FSTL5: variants seen among roughly 807,000 people sequenced by gnomAD.
FSTL5 encodes the protein follistatin like 5.
In FSTL5, 62 loss-of-function variants were observed where a neutral mutation model predicts 89.1. The observed-to-expected ratio is 0.70, with a 90% confidence interval of 0.57 to 0.86. The LOEUF is 0.86. Among genes scored for constraint, FSTL5 ranks in the 40% least tolerant of loss-of-function variants. The pLI is 0.00. For synonymous variants in FSTL5, 383 were observed against 346.2 expected (o/e 1.11, Z -1.18); for missense variants, 1,057 against 1,001.6 (o/e 1.06, Z -0.75).
At chr4:161,506,129 G>A (rs1730470760) in intron 11 of FSTL5, among the ~76,000 whole-genome samples, 1 of 151,430 alleles carries the variant, frequency 6.6e-6, no homozygotes, top group South Asian at 2.1e-4. Context: ...TGGCATAGAG[G>A]GCAGTGGAGC....
intron 15 of FSTL5, among the ~76,000 whole-genome samples, chr4:161,406,263 T>G (rs1361901215): frequency 6.7e-6 from 1 of 149,920 alleles, no homozygotes; most frequent in South Asian, 2.1e-4. Context: ...TCCTTTTGAT[T>G]TTTTCTTTGA....
At chr4:161,402,704 T>C (rs1731223341) in intron 15 of FSTL5, among the ~76,000 whole-genome samples, 1 of 152,212 alleles carries the variant, frequency 6.6e-6, no homozygotes, top group African/African-American at 2.4e-5. Context: ...TTTGAAGATG[T>C]AGATTAAAAT....
At chr4:161,582,761 CTAGTT>C (rs1406979580) in intron 8 of FSTL5, among the ~76,000 whole-genome samples, 2 of 152,162 alleles carry the variant, frequency 1.3e-5, no homozygotes, top group East Asian at 3.9e-4. Flanking sequence ...CCCCTTTCTT[CTAGTT>C]AACATAATCT....
chr4:161,769,488 A>T (rs1340911429), intron 5 of FSTL5, among the ~76,000 whole-genome samples: 4 of 152,068 alleles, frequency 2.6e-5, no homozygotes, highest in Non-Finnish European at 4.4e-5. Context: ...ATCATTCATC[A>T]TGATCAAGTG....
At chr4:161,906,963 T>C (rs1733554507) in intron 4 of FSTL5, among the ~76,000 whole-genome samples, 1 of 152,146 alleles carries the variant, frequency 6.6e-6, no homozygotes, top group African/African-American at 2.4e-5. Context: ...ATACTTACTA[T>C]GGAATTAATG....
intron 6 of FSTL5, among the ~76,000 whole-genome samples, chr4:161,674,185 G>A (rs940943413): frequency 3.3e-5 from 5 of 151,920 alleles, no homozygotes; most frequent in African/African-American, 1.2e-4. Context: ...CAGATATACA[G>A]ATATATAAAC....
intron 1 of FSTL5, among the ~76,000 whole-genome samples, chr4:162,155,103 T>G (rs1733416308): frequency 6.6e-6 from 1 of 152,178 alleles, no homozygotes; most frequent in South Asian, 2.1e-4. Flanking sequence ...ACCTATAACT[T>G]GCTTTTGACC....
chr4:161,488,395 T>G (rs1729750899), intron 12 of FSTL5, among the ~76,000 whole-genome samples: 1 of 152,050 alleles, frequency 6.6e-6, no homozygotes, highest in Non-Finnish European at 1.5e-5. Flanking sequence ...TTACAGAAAT[T>G]TTTATGCTTT....
chr4:161,801,477 T>G (rs1350648653), intron 4 of FSTL5, among the ~76,000 whole-genome samples: 1 of 151,462 alleles, frequency 6.6e-6, no homozygotes, highest in East Asian at 1.9e-4. Context: ...AAGAATCATC[T>G]TGGCAATTTC....
intron 3 of FSTL5, among the ~76,000 whole-genome samples, chr4:161,966,382 T>C (rs2110997097): frequency 6.6e-6 from 1 of 152,190 alleles, no homozygotes; most frequent in Admixed American, 6.6e-5. Flanking sequence ...TGTGAGACAT[T>C]TTCATGGACA....
Position 161,459,252 on chromosome 4 carries a change from A to T in FSTL5, c.1676T>A (p.Leu559Gln). Residue 559 changes from leucine (L) to glutamine (Q), a missense_variant, in exon 14 of 16, where the codon CTA (leucine) becomes CAA (glutamine). This residue lies in a region of FSTL5 where 980 missense variants were observed against 903.2 expected (regional missense o/e 1.08). Coordinates refer to ENST00000306100, the MANE Select transcript of FSTL5 (RefSeq NM_020116.5). ...YDKSHDQVWVLSWGTLEKTSP... is the reference protein window; with the variant it reads ...YDKSHDQVWVQSWGTLEKTSP... The stretch of plus-strand genomic sequence containing the variant: ...TGTCTTCTCCAAGGTACCCCAGCTT[A>T]GCACCCAGACCTGATCATGTGATTT... 2.5e-6 allele frequency: 4 copies of T among 1,613,408 alleles called. No individual in the cohort carries two copies. The South Asian group carries it at 4.4e-5, about 18-fold the overall frequency.
intron 6 of FSTL5, among the ~76,000 whole-genome samples, chr4:161,676,733 G>C (rs1737317942): frequency 6.7e-6 from 1 of 148,408 alleles, no homozygotes. Flanking sequence ...TCACTATTTG[G>C]AAAATACATA....
At chr4:161,506,225 C>T (rs10006775) in intron 11 of FSTL5, among the ~76,000 whole-genome samples, 3 of 125,344 alleles carry the variant, frequency 2.4e-5, no homozygotes, top group Admixed American at 8.6e-5. Flanking sequence ...TGAGCCATCA[C>T]GCCCGGCATT....
At chr4:161,860,058 G>A (rs1413308797) in intron 4 of FSTL5, among the ~76,000 whole-genome samples, 2 of 152,180 alleles carry the variant, frequency 1.3e-5, no homozygotes, top group Admixed American at 6.5e-5. Context: ...GGAGGCCAAG[G>A]TGGGCGGATC....
At chr4:161,655,172 G>A (rs1463508380) in intron 7 of FSTL5, among the ~76,000 whole-genome samples, 2 of 151,994 alleles carry the variant, frequency 1.3e-5, no homozygotes, top group African/African-American at 4.8e-5. Context: ...AACCATAAGG[G>A]CATTAAATAG....
intron 4 of FSTL5, among the ~76,000 whole-genome samples, chr4:161,907,410 GTTTTCA>G (rs1361179694): frequency 1.3e-5 from 2 of 152,014 alleles, no homozygotes; most frequent in African/African-American, 2.4e-5. Flanking sequence ...GACATTATGG[GTTTTCA>G]TGGGGCATAA....
At chr4:161,521,327 T>G (rs72685715) in intron 10 of FSTL5, among the ~76,000 whole-genome samples, 40,340 of 148,072 alleles carry the variant, frequency 0.27, 6,505 homozygotes, top group Non-Finnish European at 0.38. Context: ...ATCCACAGTG[T>G]TTTTTTTTTC....
chr4:161,797,677 A>G (rs1304420014), intron 4 of FSTL5, among the ~76,000 whole-genome samples: 2 of 151,592 alleles, frequency 1.3e-5, no homozygotes, highest in Non-Finnish European at 3.0e-5. Context: ...CTATTTTACA[A>G]GTCCTCTGTT....
intron 7 of FSTL5, among the ~76,000 whole-genome samples, chr4:161,611,266 A>G (rs1425977025): frequency 1.5e-5 from 2 of 135,962 alleles, no homozygotes; most frequent in East Asian, 4.2e-4. Context: ...ATATATATAT[A>G]TGTAACTTCC....
Sources: gnomAD v4.1 joint callset for allele counts (sites outside exome capture counted in the v4.1 genomes callset) on GRCh38, gnomAD v4.1.1 for gene constraint, gnomAD v4.1.1 regional missense constraint, MANE v1.5 for transcripts, NCBI Gene and HGNC (gene_info 2026-07-23, HGNC 2026-07-21) for gene names.